The following NCOA7 variants were observed in gnomAD, a reference collection of about 807,000 sequenced individuals.
NCOA7 encodes nuclear receptor coactivator 7.
A neutral mutation model predicts 104.3 loss-of-function variants in NCOA7; 45 were observed. That is an observed-to-expected ratio of 0.43 (90% CI 0.34 to 0.55). The LOEUF is 0.55. NCOA7 is among the 20% of genes least tolerant of loss of function. The probability of loss-of-function intolerance (pLI) is 0.02; values close to 1 mark genes in which losing one functional copy is unlikely to be tolerated. For missense variants in NCOA7, 1,041 were observed against 1,119.7 expected (o/e 0.93, Z 1.00); for synonymous variants, 398 against 402.3 (o/e 0.99, Z 0.13).
Position 125,925,005 on chromosome 6 carries a change from C to T in NCOA7, c.2523+2171C>T, listed in dbSNP as rs185543225. 2.2e-3 allele frequency among the ~76,000 whole-genome samples: 333 copies of T among 152,288 alleles called. 2 individuals carry two copies. Among genetic ancestry groups the T allele is most frequent in the African/African-American group, 7.5e-3 (311 of 41,556 alleles). ...CCTCCACTCACAGAGCCATGCTCTACGGTAGGCATGGCAGGCTGAGAATAC... is the reference window on the plus strand; with the variant it reads ...CCTCCACTCACAGAGCCATGCTCTATGGTAGGCATGGCAGGCTGAGAATAC... On this transcript the variant is annotated intron_variant, in intron 13 of 15. Coordinates refer to ENST00000392477, the MANE Select transcript of NCOA7 (RefSeq NM_181782.5).
chr6:125,912,135 G>A (rs1583529820), intron 10 of NCOA7, among the ~76,000 whole-genome samples: 1 of 152,264 alleles, frequency 6.6e-6, no homozygotes, highest in East Asian at 1.9e-4. Context: ...GTACAGGCGG[G>A]TCCACTAGAT....
Position 125,878,243 on chromosome 6 carries a change from T to A in NCOA7, c.352-20T>A. The A allele has an allele frequency of 6.4e-7, 1 of 1,571,398 alleles. No homozygotes were observed. Among genetic ancestry groups the A allele is most frequent in the Non-Finnish European group, 8.7e-7 (1 of 1,152,896 alleles). On this transcript the variant is annotated intron_variant, in intron 4 of 15. Transcript: ENST00000392477. ...TTTTTTTGCTTTATTTATTGACTCTTACCTGTTTGATTATTCTAGGCTGGA... is the reference window on the plus strand; with the variant it reads ...TTTTTTTGCTTTATTTATTGACTCTAACCTGTTTGATTATTCTAGGCTGGA...
intron 7 of NCOA7, 89 bp from the exon 8 acceptor site, chr6:125,885,070 A>AGT: frequency 1.5e-6 from 2 of 1,316,958 alleles, no homozygotes; most frequent in Admixed American, 3.6e-5. Flanking sequence ...AAGTCCATGG[A>AGT]GTGGCCATCT....
intron 2 of NCOA7, among the ~76,000 whole-genome samples, chr6:125,846,428 A>G (rs1780625193): frequency 6.6e-6 from 1 of 151,824 alleles, no homozygotes; most frequent in African/African-American, 2.4e-5. Context: ...CCAAGGGCAA[A>G]CTATTAGAGC....
At chr6:125,925,701 G>A (rs886916747) in intron 13 of NCOA7, among the ~76,000 whole-genome samples, 5 of 152,154 alleles carry the variant, frequency 3.3e-5, no homozygotes, top group Non-Finnish European at 7.4e-5. Flanking sequence ...TGCTAAGGAA[G>A]TTGAGAGAAG....
At chr6:125,793,505 T>G (rs1185972471) in intron 1 of NCOA7, among the ~76,000 whole-genome samples, 3 of 152,196 alleles carry the variant, frequency 2.0e-5, no homozygotes, top group Admixed American at 2.0e-4. Flanking sequence ...TACAACCAAA[T>G]GCGCAGTGCC....
chr6:125,903,709 C>CT (rs386408527), intron 10 of NCOA7, among the ~76,000 whole-genome samples: 63,485 of 143,784 alleles, frequency 0.44, 14,811 homozygotes, highest in Admixed American at 0.59. Flanking sequence ...TTACTACCTT[C>CT]TTTTTTTTTT....
Position 125,890,034 on chromosome 6 carries a change from A to G in NCOA7, c.1927+53A>G, listed in dbSNP as rs918006708. On this transcript the variant is annotated intron_variant, in intron 9 of 15. Coordinates refer to ENST00000392477, the MANE Select transcript of NCOA7 (RefSeq NM_181782.5). ...TATTCTGTTGCATAATTGCCTTTCTACAATTTGCACATGTAATACCCACAT... is the reference window on the plus strand; with the variant it reads ...TATTCTGTTGCATAATTGCCTTTCTGCAATTTGCACATGTAATACCCACAT... 9 of 1,326,502 alleles carry G rather than the reference A, an allele frequency of 6.8e-6. No homozygotes were observed. In the African/African-American group the frequency reaches 7.3e-5, roughly 11 times the overall value. The allele number at this position is 1,326,502 out of a possible 1,614,324, so 82.2% of individuals were successfully genotyped here. A position where few individuals can be genotyped will look rare whatever the true frequency, so the allele number is the denominator to read the frequency against.
chr6:125,895,172 A>G (rs746354659), intron 10 of NCOA7, among the ~76,000 whole-genome samples: 1 of 152,106 alleles, frequency 6.6e-6, no homozygotes, highest in Non-Finnish European at 1.5e-5. Context: ...AATCTCTGAA[A>G]TGTTTTATAA....
intron 1 of NCOA7, among the ~76,000 whole-genome samples, chr6:125,800,040 A>C (rs1775744219): frequency 6.6e-6 from 1 of 152,228 alleles, no homozygotes; most frequent in Admixed American, 6.5e-5. Context: ...AAAGGGTTTA[A>C]TTGCAGAGAG....
At chr6:125,900,833 T>C (rs1197789803) in intron 10 of NCOA7, among the ~76,000 whole-genome samples, 1 of 152,214 alleles carries the variant, frequency 6.6e-6, no homozygotes, top group Non-Finnish European at 1.5e-5. Flanking sequence ...TACCTGGGTA[T>C]TACTAACCAT....
chr6:125,805,336 C>G (rs911574669), intron 1 of NCOA7, among the ~76,000 whole-genome samples: 5 of 152,030 alleles, frequency 3.3e-5, no homozygotes, highest in Non-Finnish European at 5.9e-5. Context: ...CTCAGGTGAT[C>G]CACCCGCCTC....
upstream of NCOA7, chr6:125,790,792 C>T (rs972921791): frequency 7.2e-5 from 11 of 152,356 alleles, no homozygotes; most frequent in Admixed American, 3.3e-4. Flanking sequence ...AGCTGCGGGG[C>T]TGGCGAGGCG....
chr6:125,916,456 C>T (rs543250740), intron 11 of NCOA7, among the ~76,000 whole-genome samples: 1 of 152,198 alleles, frequency 6.6e-6, no homozygotes, highest in South Asian at 2.1e-4. Flanking sequence ...CTTCTTTAGG[C>T]GAGGGCCCTG....
At chr6:125,849,308 A>G (rs1388648451) in intron 2 of NCOA7, among the ~76,000 whole-genome samples, 4 of 152,248 alleles carry the variant, frequency 2.6e-5, no homozygotes, top group Non-Finnish European at 4.4e-5. Context: ...TGCCTACACC[A>G]TTATAATATA....
At chr6:125,804,600 G>A (rs983050912) in intron 1 of NCOA7, among the ~76,000 whole-genome samples, 2 of 152,122 alleles carry the variant, frequency 1.3e-5, no homozygotes, top group Non-Finnish European at 2.9e-5. Flanking sequence ...TTGTGTGCAG[G>A]TAGAAAACTT....
chr6:125,927,709 A>G lies in NCOA7; in HGVS notation c.2570A>G (p.Tyr857Cys), dbSNP rs758586213. The change falls in exon 14 of 16, where the codon TAT becomes TGT. Residue 857 changes from tyrosine to cysteine, a missense_variant. By Grantham distance (194) the Tyr-to-Cys change is radical. Transcript: ENST00000392477. ...ATHPFKFSDH[Y>C]YGTGETFLYT... ...CATCCTTTCAAGTTCAGTGACCACT[A>G]TTATGGCACAGGCGAAACTTTTCTC... The G allele has an allele frequency of 5.6e-6, 9 of 1,614,046 alleles. No individual in the cohort carries two copies. Among genetic ancestry groups the G allele is most frequent in the African/African-American group, 1.3e-5 (1 of 74,926 alleles).
In NCOA7 at chr6:125,881,182, T is replaced by G. The variant is rs781472367; in HGVS notation, c.552T>G (p.Asp184Glu). Residue 184 changes from aspartate (D) to glutamate (E), a missense_variant, in exon 6 of 16, where the codon GAT becomes GAG. Transcript: ENST00000392477. The stretch of plus-strand genomic sequence containing the variant: ...CTACTGTCTCTCCTTCATCATCAGA[T>G]GCAGAATATGATAAATTGCCTGTAT... Reference protein sequence around the residue: ...PGATVSPSSSDAEYDKLPDAD... With the variant: ...PGATVSPSSSEAEYDKLPDAD... 1 of 1,612,450 alleles carries G rather than the reference T, an allele frequency of 6.2e-7. No homozygotes were observed.
At chr6:125,825,621 C>T (rs1036074963) in intron 2 of NCOA7, among the ~76,000 whole-genome samples, 6 of 152,160 alleles carry the variant, frequency 3.9e-5, no homozygotes, top group Admixed American at 6.5e-5. Context: ...TTTGTTAGCA[C>T]AGCAGAAAGC....
Sources: gnomAD v4.1 joint callset for allele counts (sites outside exome capture counted in the v4.1 genomes callset) on GRCh38, gnomAD v4.1.1 for gene constraint, MANE v1.5 for transcripts, NCBI Gene and HGNC (gene_info 2026-07-23, HGNC 2026-07-21) for gene names.